Variants in ITGA8 observed in about 807,000 individuals in gnomAD.
ITGA8 encodes the protein integrin alpha-8.
ITGA8 carries 91 observed loss-of-function variants against 142.3 expected under a neutral mutation model. The ratio of observed to expected loss-of-function variants is 0.64; its 90% CI spans 0.54 to 0.76. ITGA8 has a LOEUF of 0.76. ITGA8 is among the 30% of genes least tolerant of loss of function. ITGA8 has a pLI of 0.00. For missense variants in ITGA8, 1,406 were observed against 1,327.7 expected (o/e 1.06, Z -0.92); for synonymous variants, 505 against 485.2 (o/e 1.04, Z -0.54).
intron 13 of ITGA8, among the ~76,000 whole-genome samples, chr10:15,638,334 G>C (rs972029574): frequency 1.3e-5 from 2 of 152,278 alleles, no homozygotes; most frequent in African/African-American, 4.8e-5. Context: ...GCCCTCCTCT[G>C]TCTGTGAAAG....
In ITGA8 at chr10:15,658,965, T is replaced by A. The variant is rs879010078; in HGVS notation, c.948+34A>T. 5.9e-6 allele frequency: 8 copies of A among 1,344,562 alleles called. No homozygotes were observed. The Admixed American group carries it at 1.4e-4, about 24-fold the overall frequency. 83.3% of individuals were successfully genotyped at this position (1,344,562 alleles called of 1,614,324 possible). A position where few individuals can be genotyped will look rare whatever the true frequency, so the allele number is the denominator to read the frequency against. On this transcript the variant is annotated intron_variant, in intron 10 of 29. Transcript: ENST00000378076. ...ATTATAGTCTACTGGTAACCCAGAG[T>A]GATTTTATTTATTTGATATTAAAAT...
At chr10:15,604,424 G>C in intron 19 of ITGA8, 69 bp from the exon 20 acceptor site, 1 of 1,301,978 alleles carries the variant, frequency 7.7e-7, no homozygotes, top group Non-Finnish European at 1.0e-6. Context: ...TTTATTTAAG[G>C]ATTTATAGAG....
At chr10:15,540,671 T>C (rs562056230) in intron 27 of ITGA8, among the ~76,000 whole-genome samples, 9 of 152,208 alleles carry the variant, frequency 5.9e-5, no homozygotes, top group Non-Finnish European at 1.3e-4. Flanking sequence ...AAGATTCTTC[T>C]GGTGAATGGG....
At chr10:15,650,075 A>C (rs1182800967) in intron 11 of ITGA8, among the ~76,000 whole-genome samples, 1 of 152,228 alleles carries the variant, frequency 6.6e-6, no homozygotes, top group Non-Finnish European at 1.5e-5. Context: ...ATCATGGTAC[A>C]TCATATAATA....
At chr10:15,645,663 T>C (rs1287199750) in intron 12 of ITGA8, among the ~76,000 whole-genome samples, 1 of 152,230 alleles carries the variant, frequency 6.6e-6, no homozygotes, top group Non-Finnish European at 1.5e-5. Context: ...AATACTAATC[T>C]GATGTGAATA....
chr10:15,575,966 T>TGTGA (rs1834287996), intron 23 of ITGA8, among the ~76,000 whole-genome samples: 1 of 148,388 alleles, frequency 6.7e-6, no homozygotes, highest in African/African-American at 2.5e-5. Flanking sequence ...TGTGTGTGAG[T>TGTGA]GTGTGTGTGT....
At chr10:15,719,504 G>T in intron 1 of ITGA8, 59 bp downstream of exon 1, 1 of 1,441,666 alleles carries the variant, frequency 6.9e-7, no homozygotes, top group Non-Finnish European at 9.1e-7. Context: ...AGAGCCGCTG[G>T]GACCTGACCC....
intron 23 of ITGA8, among the ~76,000 whole-genome samples, chr10:15,585,516 T>C (rs925503426): frequency 3.2e-4 from 48 of 152,202 alleles, no homozygotes; most frequent in African/African-American, 1.2e-3. Context: ...CCAGCTGTCA[T>C]CATCGAAGCT....
intron 13 of ITGA8, among the ~76,000 whole-genome samples, chr10:15,620,741 A>G (rs1833476230): frequency 2.6e-5 from 4 of 152,230 alleles, no homozygotes; most frequent in Non-Finnish European, 4.4e-5. Flanking sequence ...TCTTTTCAAA[A>G]TATGTGGTTG....
At chr10:15,530,008 T>G (rs1435987138) in intron 28 of ITGA8, among the ~76,000 whole-genome samples, 1 of 152,208 alleles carries the variant, frequency 6.6e-6, no homozygotes, top group African/African-American at 2.4e-5. Flanking sequence ...ATGGGAAATA[T>G]CCACTGGCTA....
intron 2 of ITGA8, among the ~76,000 whole-genome samples, chr10:15,691,391 CCCAT>C (rs1834930976): frequency 1.3e-5 from 2 of 152,156 alleles, no homozygotes; most frequent in African/African-American, 2.4e-5. Flanking sequence ...TATCTGCACC[CCCAT>C]GTTCATGGCA....
intron 13 of ITGA8, among the ~76,000 whole-genome samples, chr10:15,626,777 G>A (rs1833590543): frequency 6.6e-6 from 1 of 152,168 alleles, no homozygotes; most frequent in African/African-American, 2.4e-5. Flanking sequence ...AAGTCAACAT[G>A]AAGATGTAGG....
intron 13 of ITGA8, among the ~76,000 whole-genome samples, chr10:15,638,509 T>C (rs1010603853): frequency 6.6e-6 from 1 of 152,174 alleles, no homozygotes; most frequent in African/African-American, 2.4e-5. Flanking sequence ...GCCCACTCTT[T>C]TAGACAGAGC....
chr10:15,638,429 G>A (rs1432680736), intron 13 of ITGA8, among the ~76,000 whole-genome samples: 1 of 152,158 alleles, frequency 6.6e-6, no homozygotes, highest in Non-Finnish European at 1.5e-5. Flanking sequence ...ATTATTAAAG[G>A]TAGATTTCTT....
intron 14 of ITGA8, among the ~76,000 whole-genome samples, chr10:15,615,454 C>T (rs7094378): frequency 0.67 from 102,265 of 152,128 alleles, 35,606 homozygotes; most frequent in South Asian, 0.86. Flanking sequence ...GGTATGCCCT[C>T]GGCCTTTTGT....
At position 15,669,866 on chromosome 10, in the gene ITGA8, C is replaced by T. The variant is rs549013137; in HGVS notation, c.847+1737G>A. 3.5e-3 allele frequency among the ~76,000 whole-genome samples: 540 copies of T among 152,272 alleles called. 1 individual carries two copies. Among genetic ancestry groups the T allele is most frequent in the African/African-American group, 0.013 (520 of 41,560 alleles). ...CGCAGATGCTGCTGCCTGATCGTTC[C>T]TCTGGAAGTTTTGTCTCAGAGGACT... On this transcript the variant is annotated intron_variant, in intron 8 of 29. Coordinates refer to ENST00000378076, the MANE Select transcript of ITGA8 (RefSeq NM_003638.3).
intron 13 of ITGA8, among the ~76,000 whole-genome samples, chr10:15,636,430 G>A (rs192464768): frequency 4.7e-4 from 71 of 152,294 alleles, no homozygotes; most frequent in African/African-American, 1.7e-3. Context: ...TGTAGTGTGT[G>A]TGCCAGTGAC....
intron 4 of ITGA8, among the ~76,000 whole-genome samples, chr10:15,681,423 G>T (rs1432122025): frequency 1.3e-5 from 2 of 152,186 alleles, no homozygotes; most frequent in Non-Finnish European, 2.9e-5. Flanking sequence ...GCAATTTATT[G>T]AGCTATTCTG....
intron 22 of ITGA8, among the ~76,000 whole-genome samples, chr10:15,590,360 G>T (rs1217560572): frequency 6.6e-6 from 1 of 152,154 alleles, no homozygotes; most frequent in Non-Finnish European, 1.5e-5. Context: ...ACACTACCTT[G>T]TGTCTTTTGC....
Sources: allele counts gnomAD v4.1 joint callset (sites outside exome capture counted in the v4.1 genomes callset), GRCh38; gene constraint gnomAD v4.1.1; transcripts MANE v1.5; gene names NCBI Gene and HGNC (gene_info 2026-07-23, HGNC 2026-07-21).